Variants in AGGF1 observed in about 807,000 individuals in gnomAD.
AGGF1 encodes angiogenic factor with G-patch and FHA domains 1.
A neutral mutation model predicts 86.5 loss-of-function variants in AGGF1; 56 were observed. The observed-to-expected ratio is 0.65, with a 90% CI of 0.52 to 0.81. AGGF1 has a LOEUF of 0.81. Among genes scored for constraint, AGGF1 ranks in the 30% least tolerant of loss-of-function variants. The pLI is 0.00. For synonymous variants in AGGF1, 313 were observed against 297.1 expected, an observed-to-expected ratio of 1.05 and a Z score of -0.55; for missense variants, 816 against 850.9, an observed-to-expected ratio of 0.96 and a Z score of 0.51.
At chr5:77,053,775 ATAG>A in intron 9 of AGGF1, among the ~76,000 whole-genome samples, 187 bp from the exon 10 acceptor site, 1 of 152,274 alleles carries the variant, frequency 6.6e-6, no homozygotes, top group South Asian at 2.1e-4. Context: ...TTCATCTCCA[ATAG>A]TAGTACTTTT....
At position 77,054,103 on chromosome 5, in the gene AGGF1, C is replaced by T. The variant is rs770026525; in HGVS notation, c.1606C>T (p.Arg536Cys). 1.1e-5 allele frequency: 17 copies of T among 1,614,032 alleles called. No individual in the cohort carries two copies. The highest frequency in any genetic ancestry group is 7.7e-5 in the South Asian group (7 of 91,086). The change falls in exon 10 of 14, where the codon CGC becomes TGC. Residue 536 changes from arginine (R) to cysteine (C), a missense_variant. By Grantham distance (180) the Arg-to-Cys change is radical. Transcript: ENST00000312916. ...CEPGQVRAHL[R>C]LDKKDESFVG... ...ACCAGGGCAGGTTAGAGCCCACCTTCGCCTTGATAAGAAAGATGAATCTTT... is the reference window on the plus strand; with the variant it reads ...ACCAGGGCAGGTTAGAGCCCACCTTTGCCTTGATAAGAAAGATGAATCTTT...
intron 5 of AGGF1, among the ~76,000 whole-genome samples, chr5:77,042,816 C>A (rs1195014693): frequency 3.1e-5 from 2 of 65,540 alleles, no homozygotes; most frequent in African/African-American, 4.3e-5. Context: ...GGGGGCTGAC[C>A]CCCCCACCTC....
chr5:77,044,018 T>G (rs1349922693), intron 5 of AGGF1, among the ~76,000 whole-genome samples: 1 of 100,988 alleles, frequency 9.9e-6, no homozygotes, highest in African/African-American at 3.9e-5. Flanking sequence ...TTCCTAGATG[T>G]GATGGCGGCT....
intron 5 of AGGF1, among the ~76,000 whole-genome samples, chr5:77,041,804 T>TTTA (rs1747091087): frequency 8.7e-6 from 1 of 115,214 alleles, no homozygotes; most frequent in African/African-American, 3.4e-5. Context: ...TTTATTTATT[T>TTTA]ATTTATTTAT....
At chr5:77,049,108 G>A in intron 8 of AGGF1, 121 bp downstream of exon 8, 3 of 868,112 alleles carry the variant, frequency 3.5e-6, no homozygotes, top group Non-Finnish European at 5.6e-6. Context: ...TGTAGTAATG[G>A]TAATAAAGGC....
At position 77,064,883 on chromosome 5, in the gene AGGF1, T is replaced by C. The variant is rs1248746781; in HGVS notation, c.*1631T>C. On this transcript the variant is annotated 3_prime_UTR_variant, in exon 14 of 14. Coordinates refer to ENST00000312916, the MANE Select transcript of AGGF1 (RefSeq NM_018046.5). ...ATATTTTCCATTTGTATTATTATAT[T>C]GGGGAAAACATTTTTTATCATTTTC... The C allele has an allele frequency of 1.3e-5, 2 of 152,176 alleles. No homozygotes were observed. Among genetic ancestry groups the C allele is most frequent in the Non-Finnish European group, 2.9e-5 (2 of 68,034 alleles). The allele number at this position is 152,176 out of a possible 1,614,324, so 9.4% of individuals were successfully genotyped here.
intron 1 of AGGF1, 34 bp downstream of exon 1, chr5:77,031,010 A>C (rs1746839790): frequency 6.2e-7 from 1 of 1,608,540 alleles, no homozygotes; most frequent in African/African-American, 1.3e-5. Flanking sequence ...CGCCCCATCC[A>C]GCCCAGGCGA....
In AGGF1 at chr5:77,055,597, G is replaced by T; in HGVS notation, c.1716+1G>T. 6.4e-7 allele frequency: 1 copy of T among 1,567,638 alleles called. No homozygotes were observed. Among genetic ancestry groups the T allele is most frequent in the Non-Finnish European group, 8.8e-7 (1 of 1,139,900 alleles). On this transcript the variant is annotated splice_donor_variant, in intron 11 of 13. Coordinates refer to ENST00000312916, the MANE Select transcript of AGGF1 (RefSeq NM_018046.5). LOFTEE classifies it high-confidence loss of function. Reference sequence around the variant, plus strand: ...AATACGAGTAAAATATGGTTTACAGGTGAGGATGTTGAATATTGTTTCATT... The same window carrying T: ...AATACGAGTAAAATATGGTTTACAGTTGAGGATGTTGAATATTGTTTCATT...
In AGGF1 at chr5:77,059,861, A is replaced by C. The variant is rs1011135889; in HGVS notation, c.1844+118A>C. 7.4e-6 allele frequency: 10 copies of C among 1,356,036 alleles called. No individual in the cohort carries two copies. In the African/African-American group the frequency reaches 1.3e-4, roughly 18 times the overall value. The allele number at this position is 1,356,036 out of a possible 1,614,324, so 84.0% of individuals were successfully genotyped here. A position where few individuals can be genotyped will look rare whatever the true frequency, so the allele number is the denominator to read the frequency against. On this transcript the variant is annotated intron_variant, in intron 12 of 13. Transcript: ENST00000312916. ...TGGCCTATTTATTTGTTTATTTATG[A>C]GATGGAGTCTTGCTCCGTCGCCCAG...
At chr5:77,047,867 T>TA (rs1561288214) in intron 6 of AGGF1, among the ~76,000 whole-genome samples, 1 of 150,650 alleles carries the variant, frequency 6.6e-6, no homozygotes, top group African/African-American at 2.4e-5. Context: ...TAAAATAATA[T>TA]AAAAATATTT....
At chr5:77,046,168 T>G (rs1747243608) in intron 5 of AGGF1, among the ~76,000 whole-genome samples, 179 bp from the exon 6 acceptor site, 1 of 152,202 alleles carries the variant, frequency 6.6e-6, no homozygotes, top group South Asian at 2.1e-4. Flanking sequence ...AATAAGAAGA[T>G]GGTAATATCA....
chr5:77,041,939 C>T lies in AGGF1; in HGVS notation c.870+2220C>T, dbSNP rs1330294941. Among the ~76,000 whole-genome samples the T allele has an allele frequency of 7.3e-5, 11 of 150,336 alleles. No individual in the cohort carries two copies. The East Asian group carries it at 1.8e-3, about 24-fold the overall frequency. On this transcript the variant is annotated intron_variant, in intron 5 of 13. Transcript: ENST00000312916. ...CAAGTGAACAAAGGTCTCTGGTTTTCCTAGGCAGAGGACCCTGCGGCCTTC... is the reference window on the plus strand; with the variant it reads ...CAAGTGAACAAAGGTCTCTGGTTTTTCTAGGCAGAGGACCCTGCGGCCTTC...
chr5:77,062,878 A>C (rs1747586193), intron 13 of AGGF1, among the ~76,000 whole-genome samples, 174 bp from the exon 14 acceptor site: 1 of 152,218 alleles, frequency 6.6e-6, no homozygotes, highest in Admixed American at 6.5e-5. Flanking sequence ...AAATGAATGT[A>C]AGTTCCATGT....
At chr5:77,055,400 C>T in intron 10 of AGGF1, 114 bp from the exon 11 acceptor site, 1 of 700,578 alleles carries the variant, frequency 1.4e-6, no homozygotes, top group Non-Finnish European at 2.5e-6. Flanking sequence ...ATTTCAACTT[C>T]TGGTTAATTG....
In AGGF1 at chr5:77,063,360, A is replaced by G; in HGVS notation, c.*108A>G. Reference sequence around the variant, plus strand: ...GCACAGGGGAACTATGTCACAGTTTACCTCTTCCTGATTCAGAAATGTGTA... The same window carrying G: ...GCACAGGGGAACTATGTCACAGTTTGCCTCTTCCTGATTCAGAAATGTGTA... On this transcript the variant is annotated 3_prime_UTR_variant, in exon 14 of 14. Transcript: ENST00000312916. 1 of 1,143,298 alleles carries G rather than the reference A, an allele frequency of 8.7e-7. No homozygotes were observed. Among genetic ancestry groups the G allele is most frequent in the Non-Finnish European group, 1.3e-6 (1 of 796,470 alleles). The allele number at this position is 1,143,298 out of a possible 1,614,324, so 70.8% of individuals were successfully genotyped here.
In AGGF1 at chr5:77,043,882, C is replaced by T. The variant is rs1411796937; in HGVS notation, c.871-2465C>T. Among the ~76,000 whole-genome samples the T allele has an allele frequency of 3.5e-5, 5 of 142,172 alleles. No homozygotes were observed. In the East Asian group the frequency reaches 6.6e-4, roughly 19 times the overall value. The allele number at this position is 142,172 out of a possible 152,430, so 93.3% of individuals were successfully genotyped here. A position where few individuals can be genotyped will look rare whatever the true frequency, so the allele number is the denominator to read the frequency against. The stretch of plus-strand genomic sequence containing the variant: ...CTCAGACGGGGCGGCCGGGCAGAGA[C>T]GCTCGTCACCTCCCAGACGGGGTCT... On this transcript the variant is annotated intron_variant, in intron 5 of 13. Transcript: ENST00000312916.
chr5:77,048,858 G>GT, intron 7 of AGGF1, 78 bp from the exon 8 acceptor site: 1 of 1,368,732 alleles, frequency 7.3e-7, no homozygotes, highest in South Asian at 1.2e-5. Flanking sequence ...AACATTATCT[G>GT]TTTTTTAAAA....
At chr5:77,034,103 T>G (rs1282029521) in intron 1 of AGGF1, among the ~76,000 whole-genome samples, 3 of 152,232 alleles carry the variant, frequency 2.0e-5, no homozygotes, top group African/African-American at 7.2e-5. Context: ...TTTGAATTTT[T>G]GAATTCTTTA....
rs773738776 is a variant in AGGF1, at chr5:77,052,749, T to C, written c.1409T>C (p.Val470Ala). 3.1e-6 allele frequency: 5 copies of C among 1,613,738 alleles called. No homozygotes were observed. The South Asian group carries it at 5.5e-5, about 18-fold the overall frequency. The change falls in exon 9 of 14, where the codon GTC (valine) becomes GCC (alanine). Residue 470 changes from valine to alanine, a missense_variant. Transcript: ENST00000312916. ...IYFDHDLQSY[V>A]LVDQGSQNGT... ...TTTGACCATGACTTACAAAGTTATG[T>C]CCTTGTGGATCAAGGCAGTCAAAAT...
Sources: allele counts gnomAD v4.1 joint callset (sites outside exome capture counted in the v4.1 genomes callset), GRCh38; gene constraint gnomAD v4.1.1; transcripts MANE v1.5; gene names NCBI Gene and HGNC (gene_info 2026-07-23, HGNC 2026-07-21).